Variants in SPIN3 observed in about 807,000 individuals in gnomAD.
SPIN3 encodes the protein spindlin-3.
For synonymous variants in SPIN3, 74 were observed against 74.3 expected, an observed-to-expected ratio of 1.00 and a Z score of 0.02; for missense variants, 176 against 196.4, an observed-to-expected ratio of 0.90 and a Z score of 0.62.
At chrX:56,984,852 T>C (rs1924192596) in intron 2 of SPIN3, among the ~76,000 whole-genome samples, 1 of 111,565 alleles carries the variant, frequency 9.0e-6, no homozygotes, top group East Asian at 2.8e-4. Context: ...ATCCAATAAC[T>C]GTTCAACAGC....
chrX:56,979,490 A>C (rs1924071969), intron 3 of SPIN3: 1 of 112,314 alleles, frequency 8.9e-6, no homozygotes, highest in South Asian at 3.7e-4. Context: ...CAAACAAAAC[A>C]ACCAGTATTC....
downstream of SPIN3, among the ~76,000 whole-genome samples, chrX:56,988,770 C>T (rs186467512): frequency 1.8e-5 from 2 of 111,416 alleles, no homozygotes; most frequent in East Asian, 2.8e-4. Flanking sequence ...CCCCAGAAAT[C>T]TGTATTTTAA....
chrX:56,992,596 A>G lies in SPIN3; in HGVS notation c.*1575T>C, dbSNP rs897961187. 5 of 295,303 alleles carry G rather than the reference A, an allele frequency of 1.7e-5. No individual in the cohort carries two copies. Among genetic ancestry groups the G allele is most frequent in the African/African-American group, 1.1e-4 (4 of 36,283 alleles). The allele number at this position is 295,303 out of a possible 1,213,427, so 24.3% of individuals were successfully genotyped here. On this transcript the variant is annotated 3_prime_UTR_variant, in exon 2 of 2. Transcript: ENST00000374919. ...CTGTGAACTTAAACTAATTTGGAAG[A>G]TATCTTGCAGTACAGTCCCAATATG...
intron 3 of SPIN3, chrX:56,981,411 A>C (rs1377148006): frequency 2.7e-5 from 3 of 110,385 alleles, no homozygotes; most frequent in African/African-American, 9.9e-5. Context: ...CAAATGTTAT[A>C]ATCATGATAA....
In SPIN3 at chrX:56,993,997, A is replaced by G. The variant is rs759597535; in HGVS notation, c.*174T>C. ...AGAGGAACCAGTGAAAAGGTTGGAC[A>G]GATGGGCAAAAGGTTTCTTCCAAAA... On this transcript the variant is annotated 3_prime_UTR_variant, in exon 2 of 2. Transcript: ENST00000374919. The G allele has an allele frequency of 5.9e-5, 26 of 442,811 alleles. No homozygotes were observed. The highest frequency in any genetic ancestry group is 5.7e-4 in the African/African-American group (23 of 40,477). 36.5% of individuals were successfully genotyped at this position (442,811 alleles called of 1,213,427 possible). A position where few individuals can be genotyped will look rare whatever the true frequency, so the allele number is the denominator to read the frequency against.
exon 6 of SPIN3, chrX:56,976,536 A>G (rs1246201595): frequency 8.9e-6 from 1 of 112,025 alleles, no homozygotes; most frequent in Non-Finnish European, 1.9e-5. Flanking sequence ...AAATCATTCT[A>G]AAAGTTAATG....
chrX:56,994,381 A>G lies in SPIN3; in HGVS notation c.567T>C (p.Leu189=). The G allele has an allele frequency of 5.0e-6, 6 of 1,211,498 alleles. No homozygotes were observed. Among genetic ancestry groups the G allele is most frequent in the Non-Finnish European group, 6.7e-6 (6 of 895,419 alleles). Residue 189 remains leucine (L), a synonymous_variant, in exon 2 of 2, where the codon CTT becomes CTC. Coordinates refer to ENST00000374919, the MANE Select transcript of SPIN3 (RefSeq NM_001010862.3). ...CCAGAGGAGAATCATTGGAATCTTG[A>G]AGGATGCGGAGGTCACCATCTTTAT... ...DDYKDGDLRI[L]QDSNDSPLAE...
downstream of SPIN3, among the ~76,000 whole-genome samples, chrX:56,990,323 T>G (rs1924303238): frequency 8.9e-6 from 1 of 111,761 alleles, no homozygotes; most frequent in Admixed American, 9.5e-5. Flanking sequence ...AAACTATGCC[T>G]GAAGCCCATC....
intron 3 of SPIN3, among the ~76,000 whole-genome samples, chrX:56,983,851 A>G (rs150196373): frequency 2.7e-3 from 302 of 112,654 alleles, no homozygotes; most frequent in African/African-American, 9.1e-3. Context: ...GAGGCAGATC[A>G]CTGAATGATA....
rs370717758 is a variant in SPIN3, at chrX:56,994,370, T to C, written c.578A>G (p.Asn193Ser). 21 of 1,209,883 alleles carry C rather than the reference T, an allele frequency of 1.7e-5. No homozygotes were observed. The highest frequency in any genetic ancestry group is 2.3e-4 in the Middle Eastern group (1 of 4,373). The change falls in exon 2 of 2, where the codon AAT (asparagine) becomes AGT (serine). Residue 193 changes from asparagine to serine, a missense_variant. Asn to Ser is a conservative substitution (Grantham distance 46). Coordinates refer to ENST00000374919, the MANE Select transcript of SPIN3 (RefSeq NM_001010862.3). ...DGDLRILQDS[N>S]DSPLAEREPG... is the part of the protein sequence containing the mutation. ...CTCCCTCTCTGCCAGAGGAGAATCA[T>C]TGGAATCTTGAAGGATGCGGAGGTC...
At position 56,994,907 on chromosome X, in the gene SPIN3, G is replaced by C; in HGVS notation, c.41C>G (p.Ser14Cys). ...PFGKAAAGQRSRTGAGHGSVS... is the reference protein window; with the variant it reads ...PFGKAAAGQRCRTGAGHGSVS... ...ACTGCCGTGGCCAGCGCCCGTCCTG[G>C]ACCGCTGCCCTGCAGCTGCCTTTCC... The change falls in exon 2 of 2, where the codon TCC becomes TGC. Residue 14 changes from serine to cysteine, a missense_variant. Transcript: ENST00000374919. 8.3e-7 allele frequency: 1 copy of C among 1,205,641 alleles called. No individual in the cohort carries two copies. Among genetic ancestry groups the C allele is most frequent in the Non-Finnish European group, 1.1e-6 (1 of 892,230 alleles).
At chrX:56,988,699 T>C (rs766824425), downstream of SPIN3, among the ~76,000 whole-genome samples, 2 of 111,495 alleles carry the variant, frequency 1.8e-5, no homozygotes, top group Non-Finnish European at 3.8e-5. Flanking sequence ...GGGAACTTGT[T>C]ATAAATATAA....
Position 56,994,070 on chromosome X carries a change from C to A in SPIN3, c.*101G>T. On this transcript the variant is annotated 3_prime_UTR_variant, in exon 2 of 2. Transcript: ENST00000374919. ...CAATTTTTTTGCCAAGCAAAACGTG[C>A]AAAAAGGGAGAAGATGGTTCTTACA... is the stretch of plus-strand genomic sequence containing the variant. The A allele has an allele frequency of 1.1e-6, 1 of 933,264 alleles. No individual in the cohort carries two copies. Among genetic ancestry groups the A allele is most frequent in the South Asian group, 3.0e-5 (1 of 32,989 alleles). The allele number at this position is 933,264 out of a possible 1,213,427, so 76.9% of individuals were successfully genotyped here. A position where few individuals can be genotyped will look rare whatever the true frequency, so the allele number is the denominator to read the frequency against.
rs1390595441 is a variant in SPIN3, at chrX:56,993,580, A to G, written c.*591T>C. 8.9e-6 allele frequency: 1 copy of G among 112,385 alleles called. No individual in the cohort carries two copies. The highest frequency in any genetic ancestry group is 1.9e-5 in the Non-Finnish European group (1 of 53,348). The allele number at this position is 112,385 out of a possible 1,213,427, so 9.3% of individuals were successfully genotyped here. ...TTCTCAGCCTATGGTTAGGTACTAA[A>G]ATGCAAAGTAATTACCTTCTTAATT... On this transcript the variant is annotated 3_prime_UTR_variant, in exon 2 of 2. Coordinates refer to ENST00000374919, the MANE Select transcript of SPIN3 (RefSeq NM_001010862.3).
chrX:56,995,272 A>C lies in SPIN3; in HGVS notation c.-59T>G. 1.4e-4 allele frequency: 34 copies of C among 237,498 alleles called. No homozygotes were observed. Among genetic ancestry groups the C allele is most frequent in the Middle Eastern group, 1.3e-3 (1 of 780 alleles). The allele number at this position is 237,498 out of a possible 1,213,427, so 19.6% of individuals were successfully genotyped here. A position where few individuals can be genotyped will look rare whatever the true frequency, so the allele number is the denominator to read the frequency against. The stretch of plus-strand genomic sequence containing the variant: ...CGGATTGCGGGCCTCAAGTGCACAA[A>C]TCGGACACCTCGCCGTTGCCTCCGC... On this transcript the variant is annotated 5_prime_UTR_variant, in exon 1 of 2. Coordinates refer to ENST00000374919, the MANE Select transcript of SPIN3 (RefSeq NM_001010862.3).
Position 56,994,252 on chromosome X carries a change from T to C in SPIN3, c.696A>G (p.Val232=). The change falls in exon 2 of 2, where the codon GTA becomes GTG. Residue 232 remains valine (V), a synonymous_variant. Coordinates refer to ENST00000374919, the MANE Select transcript of SPIN3 (RefSeq NM_001010862.3). ...SKRTGMVIHQ[V]EAKPSVYFIK... The stretch of plus-strand genomic sequence containing the variant: ...TGAAGTACACAGAGGGTTTTGCTTC[T>C]ACCTGATGAATGACCATGCCAGTTC... 8.3e-7 allele frequency: 1 copy of C among 1,211,969 alleles called. No individual in the cohort carries two copies. Among genetic ancestry groups the C allele is most frequent in the Non-Finnish European group, 1.1e-6 (1 of 895,563 alleles).
At chrX:56,981,187 C>T (rs1245740529) in intron 3 of SPIN3, among the ~76,000 whole-genome samples, 2 of 108,574 alleles carry the variant, frequency 1.8e-5, no homozygotes, top group Non-Finnish European at 3.8e-5. Flanking sequence ...ACGGTGAAAC[C>T]CCGTCTCTAC....
At chrX:56,985,414 C>A (rs752843873) in intron 2 of SPIN3, among the ~76,000 whole-genome samples, 2 of 112,379 alleles carry the variant, frequency 1.8e-5, no homozygotes, top group Non-Finnish European at 3.8e-5. Context: ...CTTCCTGGGG[C>A]AGCCCATATC....
chrX:56,992,947 C>T lies in SPIN3; in HGVS notation c.*1224G>A, dbSNP rs969437830. ...TAAAAATCCAAACACTAACAAAAATCTATTAGATTTCTATCTACCAATGCC... is the reference window on the plus strand; with the variant it reads ...TAAAAATCCAAACACTAACAAAAATTTATTAGATTTCTATCTACCAATGCC... On this transcript the variant is annotated 3_prime_UTR_variant, in exon 2 of 2. Coordinates refer to ENST00000374919, the MANE Select transcript of SPIN3 (RefSeq NM_001010862.3). 1.7e-5 allele frequency: 2 copies of T among 120,215 alleles called. No individual in the cohort carries two copies. Among genetic ancestry groups the T allele is most frequent in the African/African-American group, 6.4e-5 (2 of 31,160 alleles). 9.9% of individuals were successfully genotyped at this position (120,215 alleles called of 1,213,427 possible). A position where few individuals can be genotyped will look rare whatever the true frequency, so the allele number is the denominator to read the frequency against.
Sources: allele counts gnomAD v4.1 joint callset (sites outside exome capture counted in the v4.1 genomes callset), GRCh38; gene constraint gnomAD v4.1.1; transcripts MANE v1.5; gene names NCBI Gene and HGNC (gene_info 2026-07-23, HGNC 2026-07-21).